The following AIG1 variants were observed in gnomAD, a reference collection of about 807,000 sequenced individuals.
AIG1 encodes the protein androgen induced 1.
AIG1 carries 23 observed loss-of-function variants against 31.4 expected under a neutral mutation model. That is an observed-to-expected ratio of 0.73 (90% confidence interval 0.53 to 1.04). The LOEUF is 1.04. AIG1 is among the 50% of genes least tolerant of loss of function. AIG1 has a pLI of 0.00. For synonymous variants in AIG1, 100 were observed against 110.5 expected (o/e 0.90, Z 0.60); for missense variants, 274 against 295.0 (o/e 0.93, Z 0.52).
chr6:143,072,733 T>A (rs558886097), intron 1 of AIG1, among the ~76,000 whole-genome samples: 26 of 152,356 alleles, frequency 1.7e-4, no homozygotes, highest in Non-Finnish European at 2.9e-4. Flanking sequence ...TTTTTCCAAA[T>A]TTTTAAAAAA....
intron 1 of AIG1, chr6:143,061,575 A>C (rs998751070): frequency 3.3e-6 from 1 of 299,018 alleles, no homozygotes; most frequent in Admixed American, 4.3e-5. Flanking sequence ...GAAAGCACCT[A>C]ATAAAGTTGT....
intron 1 of AIG1, among the ~76,000 whole-genome samples, chr6:143,062,717 A>G (rs911310042): frequency 3.3e-5 from 5 of 152,200 alleles, no homozygotes; most frequent in African/African-American, 1.2e-4. Context: ...CGCCAGAAAG[A>G]TGTCCCTTTT....
intron 3 of AIG1, chr6:143,190,003 C>A: frequency 2.1e-6 from 1 of 465,962 alleles, no homozygotes; most frequent in Non-Finnish European, 2.8e-6. Flanking sequence ...TGTGTCCTCA[C>A]ATGGTGGAAG....
rs926929269 is a variant in AIG1, at chr6:143,293,244, C to T, written c.515+9019C>T. ...CACCCTTATTTTATTTTCATTTTAT[C>T]CTCTGTTCTTCATACGGGCTTTGGT... On this transcript the variant is annotated intron_variant, in intron 4 of 5. Coordinates refer to ENST00000357847, the MANE Select transcript of AIG1 (RefSeq NM_016108.4). The surrounding 1 kb of genome is among the most constrained non-coding windows in gnomAD (Gnocchi z 4.8). Among the ~76,000 whole-genome samples the T allele has an allele frequency of 7.2e-5, 11 of 152,132 alleles. No homozygotes were observed. Among genetic ancestry groups the T allele is most frequent in the South Asian group, 2.1e-4 (1 of 4,822 alleles).
At chr6:143,096,675 A>G (rs1217971813) in intron 1 of AIG1, among the ~76,000 whole-genome samples, 4 of 152,252 alleles carry the variant, frequency 2.6e-5, no homozygotes, top group Non-Finnish European at 1.5e-5. Context: ...TTATGGGTAC[A>G]GTATCAGAAT....
chr6:143,190,396 C>T, intron 3 of AIG1: 4 of 982,650 alleles, frequency 4.1e-6, no homozygotes, highest in Non-Finnish European at 4.8e-6. Context: ...GCTTTCTTCT[C>T]CTGGTGATAT....
chr6:143,233,184 G>A (rs114129108), intron 3 of AIG1, among the ~76,000 whole-genome samples: 3,401 of 152,222 alleles, frequency 0.022, 121 homozygotes, highest in African/African-American at 0.077. Context: ...GAAGCATGAG[G>A]GGATTCTTAT....
chr6:143,181,117 A>G (rs1163041653), intron 3 of AIG1, among the ~76,000 whole-genome samples: 2 of 152,224 alleles, frequency 1.3e-5, no homozygotes, highest in African/African-American at 4.8e-5. Context: ...TAGATATTTC[A>G]TAAAAATAAG....
chr6:143,177,712 A>G (rs1330049605), intron 3 of AIG1, among the ~76,000 whole-genome samples: 2 of 152,140 alleles, frequency 1.3e-5, no homozygotes, highest in East Asian at 1.9e-4. Flanking sequence ...TGGCAGGTCT[A>G]CCACTGGAGT....
Position 143,333,903 on chromosome 6 carries a change from T to TAA in AIG1, c.679+458_679+459insAA, listed in dbSNP as rs1321353410. 2.0e-5 allele frequency among the ~76,000 whole-genome samples: 3 copies of TAA among 152,320 alleles called. No individual in the cohort carries two copies. In the East Asian group the frequency reaches 5.8e-4, roughly 29 times the overall value. ...CCTGGGAGAGGTCTTACTACCATTC[T>TAA]GCTAGAGCTCTATCTAAGCAGTGTG... On this transcript the variant is annotated intron_variant, in intron 5 of 5. Coordinates refer to ENST00000357847, the MANE Select transcript of AIG1 (RefSeq NM_016108.4). The surrounding 1 kb of genome is among the most constrained non-coding windows in gnomAD (Gnocchi z 4.6).
chr6:143,094,874 G>A (rs921851212), intron 1 of AIG1, among the ~76,000 whole-genome samples: 2 of 152,076 alleles, frequency 1.3e-5, no homozygotes, highest in Admixed American at 1.3e-4. Context: ...AAAAAGTTTA[G>A]AAAACTGTTC....
intron 3 of AIG1, among the ~76,000 whole-genome samples, chr6:143,170,057 T>G (rs1049551002): frequency 1.3e-5 from 2 of 152,110 alleles, no homozygotes; most frequent in Non-Finnish European, 2.9e-5. Context: ...AATTTTTTGG[T>G]TCTGTCCTTG....
intron 3 of AIG1, chr6:143,189,652 G>T: frequency 2.0e-6 from 2 of 985,176 alleles, no homozygotes; most frequent in Non-Finnish European, 2.4e-6. Flanking sequence ...AAGTTGATTT[G>T]CTTTAAATTG....
At chr6:143,213,508 C>CTTTTTTTTTTTTT (rs746350692) in intron 3 of AIG1, among the ~76,000 whole-genome samples, 29 of 61,196 alleles carry the variant, frequency 4.7e-4, no homozygotes, top group Non-Finnish European at 7.7e-4. Context: ...TTTCTTTCTT[C>CTTTTTTTTTTTTT]TTTTTTTTTT....
rs1300940109 is a variant in AIG1, at chr6:143,288,752, CCAA to C, written c.515+4528_515+4530del. ...CTCAAGAGGTCCTGAGAAAGTGTGC[CCAA>C]GATGGTTGGGTTACAGTTTGGTTTT... is the stretch of plus-strand genomic sequence containing the variant. On this transcript the variant is annotated intron_variant, in intron 4 of 5. Coordinates refer to ENST00000357847, the MANE Select transcript of AIG1 (RefSeq NM_016108.4). This position sits in a 1 kb window ranked among gnomAD's most constrained non-coding sequence, Gnocchi z 4.4. Among the ~76,000 whole-genome samples the C allele has an allele frequency of 1.2e-4, 18 of 152,012 alleles. No individual in the cohort carries two copies. The highest frequency in any genetic ancestry group is 4.3e-4 in the African/African-American group (18 of 41,380).
At chr6:143,239,666 T>C (rs1052795826) in intron 3 of AIG1, among the ~76,000 whole-genome samples, 3 of 152,242 alleles carry the variant, frequency 2.0e-5, no homozygotes, top group African/African-American at 7.2e-5. Context: ...CATTAAGACA[T>C]GTGTTATTGC....
intron 1 of AIG1, among the ~76,000 whole-genome samples, chr6:143,116,971 G>A (rs150501608): frequency 9.9e-4 from 151 of 152,126 alleles, no homozygotes; most frequent in Non-Finnish European, 1.3e-3. Context: ...GTTCCTCATC[G>A]ACAAGGAACG....
intron 3 of AIG1, among the ~76,000 whole-genome samples, chr6:143,234,877 G>T (rs1313048588): frequency 1.3e-5 from 2 of 152,122 alleles, no homozygotes; most frequent in Admixed American, 6.5e-5. Context: ...CATAACATGA[G>T]CAAACGCTAC....
intron 3 of AIG1, among the ~76,000 whole-genome samples, chr6:143,211,505 G>T (rs1290511536): frequency 2.0e-5 from 3 of 152,190 alleles, no homozygotes; most frequent in Non-Finnish European, 4.4e-5. Context: ...AAGAGCAAAT[G>T]AATATTTAAT....
Sources: allele counts gnomAD v4.1 joint callset (sites outside exome capture counted in the v4.1 genomes callset), GRCh38; gene constraint gnomAD v4.1.1; non-coding constraint Gnocchi (gnomAD v3.1); transcripts MANE v1.5; gene names NCBI Gene and HGNC (gene_info 2026-07-23, HGNC 2026-07-21).